DIP2C: variants seen among roughly 807,000 people sequenced by gnomAD.
The protein encoded by DIP2C is disco-interacting protein 2 homolog C.
A neutral mutation model predicts 192.4 loss-of-function variants in DIP2C; 33 were observed. The observed-to-expected ratio is 0.17, with a 90% CI of 0.13 to 0.23. The LOEUF (loss-of-function observed/expected upper bound fraction) is 0.23, where lower values mean the gene tolerates loss of function less well. Ranked by LOEUF, DIP2C falls within the 10% of genes least tolerant of loss-of-function variation. The probability of loss-of-function intolerance (pLI) is 1.00; values close to 1 mark genes in which losing one functional copy is unlikely to be tolerated. For missense variants in DIP2C, 1,537 were observed against 2,110.1 expected (o/e 0.73, Z 5.32); for synonymous variants, 979 against 864.1 (o/e 1.13, Z -2.33).
At chr10:305,263 A>T (rs1001345540) in intron 32 of DIP2C, among the ~76,000 whole-genome samples, 4 of 152,158 alleles carry the variant, frequency 2.6e-5, no homozygotes, top group African/African-American at 9.7e-5. Context: ...ACTCATATTC[A>T]CATGTGCAGA....
intron 1 of DIP2C, among the ~76,000 whole-genome samples, chr10:607,983 T>C (rs371331219): frequency 6.6e-6 from 1 of 151,628 alleles, no homozygotes; most frequent in Non-Finnish European, 1.5e-5. Flanking sequence ...GACACCGTAA[T>C]GAAACCAAAA....
At position 522,277 on chromosome 10, in the gene DIP2C, T is replaced by G. The variant is rs147127167; in HGVS notation, c.86-35747A>C. Among the ~76,000 whole-genome samples, 12 of 152,364 alleles carry G rather than the reference T, an allele frequency of 7.9e-5. No homozygotes were observed. The East Asian group carries it at 2.1e-3, about 27-fold the overall frequency. On this transcript the variant is annotated intron_variant, in intron 1 of 36. Transcript: ENST00000280886. ...ATTAGTGGTCCAGTTCTTTTTAGTG[T>G]TGAATAATATCCCAGTTTCTGATGT...
At chr10:479,833 T>C (rs1843457100) in intron 2 of DIP2C, among the ~76,000 whole-genome samples, 1 of 152,096 alleles carries the variant, frequency 6.6e-6, no homozygotes, top group African/African-American at 2.4e-5. Context: ...CAGTCGACGC[T>C]CACTGGATGA....
intron 1 of DIP2C, among the ~76,000 whole-genome samples, chr10:580,392 A>G (rs1024273599): frequency 2.0e-5 from 3 of 152,174 alleles, no homozygotes; most frequent in Non-Finnish European, 2.9e-5. Context: ...AAGTACACAA[A>G]TGTGCAAATA....
At chr10:407,824 G>C (rs896492514) in intron 9 of DIP2C, among the ~76,000 whole-genome samples, 1 of 152,010 alleles carries the variant, frequency 6.6e-6, no homozygotes, top group Non-Finnish European at 1.5e-5. Flanking sequence ...AAATATTTTA[G>C]ATATTAATCT....
chr10:517,985 C>G (rs1244326421), intron 1 of DIP2C, among the ~76,000 whole-genome samples: 2 of 152,222 alleles, frequency 1.3e-5, no homozygotes, highest in Non-Finnish European at 2.9e-5. Flanking sequence ...AACGTTTCAT[C>G]AAGGAAAGGC....
chr10:495,009 G>T (rs569097169), intron 1 of DIP2C, among the ~76,000 whole-genome samples: 1 of 152,344 alleles, frequency 6.6e-6, no homozygotes, highest in Admixed American at 6.5e-5. Context: ...GATGAACAGA[G>T]AAATCATGGT....
chr10:596,374 T>A (rs1354612301), intron 1 of DIP2C, among the ~76,000 whole-genome samples: 1 of 151,486 alleles, frequency 6.6e-6, no homozygotes, highest in Non-Finnish European at 1.5e-5. Context: ...CAGGTGCCTG[T>A]AATCCCAGCT....
At position 313,357 on chromosome 10, in the gene DIP2C, G is replaced by A. The variant is rs75219711; in HGVS notation, c.3925-3265C>T. Among the ~76,000 whole-genome samples the A allele has an allele frequency of 4.6e-3, 701 of 152,152 alleles. 19 individuals are homozygous for A. Among genetic ancestry groups the A allele is most frequent in the Admixed American group, 0.039 (595 of 15,286 alleles). ...TTTTGAAATTCCAAGTTATATGAACGAGAAAAAAGGATTCACATTAAAATC... is the reference window on the plus strand; with the variant it reads ...TTTTGAAATTCCAAGTTATATGAACAAGAAAAAAGGATTCACATTAAAATC... On this transcript the variant is annotated intron_variant, in intron 31 of 36. Transcript: ENST00000280886.
chr10:331,264 A>G (rs930559814), intron 29 of DIP2C, among the ~76,000 whole-genome samples: 1 of 152,214 alleles, frequency 6.6e-6, no homozygotes, highest in Non-Finnish European at 1.5e-5. Flanking sequence ...CAACTAAAGA[A>G]ATGTAAGGAA....
chr10:507,095 G>A (rs1845648649), intron 1 of DIP2C, among the ~76,000 whole-genome samples: 1 of 151,970 alleles, frequency 6.6e-6, no homozygotes, highest in Non-Finnish European at 1.5e-5. Context: ...CACCCGCTGT[G>A]CACGATGAGA....
At chr10:392,267 C>T (rs927431243) in intron 10 of DIP2C, among the ~76,000 whole-genome samples, 2 of 152,158 alleles carry the variant, frequency 1.3e-5, no homozygotes, top group Admixed American at 6.5e-5. Context: ...CAGGAAGTGC[C>T]GGGCCGAGGC....
chr10:510,084 A>AG (rs1461898014), intron 1 of DIP2C, among the ~76,000 whole-genome samples: 1 of 152,218 alleles, frequency 6.6e-6, no homozygotes, highest in Non-Finnish European at 1.5e-5. Flanking sequence ...CATCGAACGG[A>AG]GGGAGTTATC....
intron 32 of DIP2C, among the ~76,000 whole-genome samples, chr10:307,555 A>C (rs1441518828): frequency 6.6e-6 from 1 of 152,120 alleles, no homozygotes; most frequent in Admixed American, 6.5e-5. Context: ...AGGGCATCGG[A>C]GAGCAAGACT....
intron 10 of DIP2C, among the ~76,000 whole-genome samples, chr10:395,949 T>TC (rs1386504321): frequency 6.6e-6 from 1 of 151,182 alleles, no homozygotes; most frequent in Non-Finnish European, 1.5e-5. Context: ...CCACAGAGAG[T>TC]CCCCCCGAGA....
At chr10:643,909 A>G (rs1253333098) in intron 1 of DIP2C, among the ~76,000 whole-genome samples, 2 of 152,232 alleles carry the variant, frequency 1.3e-5, no homozygotes, top group Non-Finnish European at 2.9e-5. Context: ...ATTTAAGGAA[A>G]AAGTGTATGG....
chr10:277,230 T>C lies in DIP2C; in HGVS notation c.*95A>G. The C allele has an allele frequency of 6.5e-7, 1 of 1,537,720 alleles. No individual in the cohort carries two copies. The highest frequency in any genetic ancestry group is 1.8e-5 in the Admixed American group (1 of 56,230). Reference sequence around the variant, plus strand: ...TCCACTCTCACCACAAATGGCTGTATTCTGGTGAGTGTTGCCCTGTGTCTG... The same window carrying C: ...TCCACTCTCACCACAAATGGCTGTACTCTGGTGAGTGTTGCCCTGTGTCTG... On this transcript the variant is annotated 3_prime_UTR_variant, in exon 37 of 37. Coordinates refer to ENST00000280886, the MANE Select transcript of DIP2C (RefSeq NM_014974.3).
chr10:507,447 GCA>G (rs1242823750), intron 1 of DIP2C, among the ~76,000 whole-genome samples: 23 of 151,602 alleles, frequency 1.5e-4, no homozygotes, highest in African/African-American at 5.3e-4. Context: ...CACCCGCTAT[GCA>G]CAGAGGCGTG....
chr10:687,808 G>C (rs1831388906), intron 1 of DIP2C, among the ~76,000 whole-genome samples: 1 of 152,204 alleles, frequency 6.6e-6, no homozygotes, highest in African/African-American at 2.4e-5. Context: ...CAGACTCTGG[G>C]AACAAATGTG....
Sources: allele counts gnomAD v4.1 joint callset (sites outside exome capture counted in the v4.1 genomes callset), GRCh38; gene constraint gnomAD v4.1.1; transcripts MANE v1.5; gene names NCBI Gene and HGNC (gene_info 2026-07-23, HGNC 2026-07-21).